UPF1: variants seen among roughly 807,000 people sequenced by gnomAD.
UPF1 encodes UPF1 RNA helicase and ATPase, also known as regulator of nonsense transcripts 1.
Under a neutral mutation model 129.2 loss-of-function variants are expected in UPF1, and 9 were observed. That is an observed-to-expected ratio of 0.07 (90% CI 0.04 to 0.12). UPF1 has a LOEUF of 0.12. UPF1 is among the 10% of genes least tolerant of loss of function. The pLI is 1.00. For synonymous variants in UPF1, 649 were observed against 644.9 expected, an observed-to-expected ratio of 1.01 and a Z score of -0.10; for missense variants, 788 against 1,525.3, an observed-to-expected ratio of 0.52 and a Z score of 8.05.
Position 18,832,104 on chromosome 19 carries a change from C to T in UPF1, c.-106C>T, listed in dbSNP as rs1237816380. 1.8e-6 allele frequency: 2 copies of T among 1,110,584 alleles called. No individual in the cohort carries two copies. The highest frequency in any genetic ancestry group is 1.2e-6 in the Non-Finnish European group (1 of 854,758). The allele number at this position is 1,110,584 out of a possible 1,614,324, so 68.8% of individuals were successfully genotyped here. ...CGCGGTTTGGTCCTTTCCGGGCGCG[C>T]GGGGGCGACAGCGGCAGCGACCCGA... On this transcript the variant is annotated 5_prime_UTR_variant, in exon 1 of 24. Transcript: ENST00000262803. This position sits in a 1 kb window ranked among gnomAD's most constrained non-coding sequence, Gnocchi z 5.6.
Position 18,865,931 on chromosome 19 carries a change from G to C in UPF1, c.3238-113G>C. 1 of 1,587,264 alleles carries C rather than the reference G, an allele frequency of 6.3e-7. No homozygotes were observed. The highest frequency in any genetic ancestry group is 8.5e-7 in the Non-Finnish European group (1 of 1,170,266). On this transcript the variant is annotated intron_variant, in intron 22 of 23. Coordinates refer to ENST00000262803, the MANE Select transcript of UPF1 (RefSeq NM_002911.4). This position sits in a 1 kb window ranked among gnomAD's most constrained non-coding sequence, Gnocchi z 6.1. ...CTGGGGTCATCAGAGTGGGTCTCCT[G>C]GGTCTTAGTTTGGGGACGGGTTTTC...
At chr19:18,848,598 C>T (rs535407092) in intron 3 of UPF1, among the ~76,000 whole-genome samples, 10 of 151,914 alleles carry the variant, frequency 6.6e-5, no homozygotes, top group Non-Finnish European at 1.3e-4. Flanking sequence ...AAGAAAATGA[C>T]CAAAGCCCGG....
intron 14 of UPF1, 106 bp downstream of exon 14, chr19:18,857,126 C>A: frequency 6.5e-7 from 1 of 1,528,174 alleles, no homozygotes; most frequent in South Asian, 1.3e-5. Context: ...GCAGAGTGTG[C>A]GCACACTGGG....
In UPF1 at chr19:18,862,132, C is replaced by G; in HGVS notation, c.2580C>G (p.Asn860Lys). ...IGFLNDPRRL[N>K]VALTRARYGV... ...TTTTAAATGACCCCAGGCGTCTGAA[C>G]GTGGCCCTGACCAGAGCAAGGTAGG... The change falls in exon 18 of 24, where the codon AAC (asparagine) becomes AAG (lysine). Residue 860 changes from asparagine (N) to lysine (K), a missense_variant. Asn to Lys is a moderately conservative substitution (Grantham distance 94). This residue lies in a region of UPF1 where 140 missense variants were observed against 385.9 expected (regional missense o/e 0.36). Transcript: ENST00000262803. 1 of 1,613,950 alleles carries G rather than the reference C, an allele frequency of 6.2e-7. No individual in the cohort carries two copies. Among genetic ancestry groups the G allele is most frequent in the Non-Finnish European group, 8.5e-7 (1 of 1,180,010 alleles).
At chr19:18,852,413 G>A (rs992244938) in intron 6 of UPF1, 117 bp downstream of exon 6, 91 of 1,443,848 alleles carry the variant, frequency 6.3e-5, no homozygotes, top group Non-Finnish European at 8.1e-5. Context: ...GGCTGCAGCC[G>A]CGACACCTGA....
rs1216040522 is a variant in UPF1, at chr19:18,832,346, CG to C, written c.138del (p.Gly49AlafsTer45). The C allele has an allele frequency of 2.2e-6, 3 of 1,379,808 alleles. No individual in the cohort carries two copies. The highest frequency in any genetic ancestry group is 2.9e-6 in the Non-Finnish European group (3 of 1,045,306). The allele number at this position is 1,379,808 out of a possible 1,614,324, so 85.5% of individuals were successfully genotyped here. On this transcript the variant is annotated frameshift_variant, in exon 1 of 24. Coordinates refer to ENST00000262803, the MANE Select transcript of UPF1 (RefSeq NM_002911.4). LOFTEE classifies it high-confidence loss of function. This position sits in a 1 kb window ranked among gnomAD's most constrained non-coding sequence, Gnocchi z 5.6. ...TDFTLPSQTQ[T>X]PPGGPGGPGG... ...TTTACTCTTCCTAGCCAGACGCAGA[CG>C]CCCCCCGGCGGCCCCGGCGGCCCGG...
At position 18,850,713 on chromosome 19, in the gene UPF1, C is replaced by G. The variant is rs2055649468; in HGVS notation, c.655C>G (p.Leu219Val). The G allele has an allele frequency of 3.1e-6, 5 of 1,607,262 alleles. No individual in the cohort carries two copies. Among genetic ancestry groups the G allele is most frequent in the Non-Finnish European group, 3.4e-6 (4 of 1,177,016 alleles). The change falls in exon 5 of 24, where the codon CTC becomes GTC. Residue 219 changes from leucine (L) to valine (V), a missense_variant. Leu to Val is a conservative substitution (Grantham distance 32). Coordinates refer to ENST00000262803, the MANE Select transcript of UPF1 (RefSeq NM_002911.4). This position sits in a 1 kb window ranked among gnomAD's most constrained non-coding sequence, Gnocchi z 7.1. ...GCAGCCCTGTGCCAGCCAGAGCAGCCTCAAGGACATCAACTGGGACAGCTC... is the reference window on the plus strand; with the variant it reads ...GCAGCCCTGTGCCAGCCAGAGCAGCGTCAAGGACATCAACTGGGACAGCTC... ...CRQPCASQSS[L>V]KDINWDSSQW...
intron 13 of UPF1, 100 bp from the exon 14 acceptor site, chr19:18,856,777 G>C: frequency 6.1e-6 from 9 of 1,467,566 alleles, no homozygotes; most frequent in Non-Finnish European, 8.2e-6. Flanking sequence ...GTCAGGGAGG[G>C]TGAGAAACAG....
intron 15 of UPF1, among the ~76,000 whole-genome samples, chr19:18,858,978 G>C (rs1203529726): frequency 2.6e-5 from 4 of 152,214 alleles, no homozygotes; most frequent in Non-Finnish European, 5.9e-5. Context: ...GGTTGGTATT[G>C]TCAGGCCTAG....
chr19:18,857,090 CACCTTGTATTG>C, intron 14 of UPF1, 70 bp downstream of exon 14: 1 of 1,564,086 alleles, frequency 6.4e-7, no homozygotes, highest in South Asian at 1.2e-5. Context: ...TCTTTTAAAA[CACCTTGTATTG>C]ACGTAGGATG....
rs572451627 is a variant in UPF1, at chr19:18,849,919, G to A, written c.462-156G>A. The A allele has an allele frequency of 6.6e-5, 58 of 872,990 alleles. No individual in the cohort carries two copies. In the African/African-American group the frequency reaches 7.5e-4, roughly 11 times the overall value. The allele number at this position is 872,990 out of a possible 1,614,324, so 54.1% of individuals were successfully genotyped here. Reference sequence around the variant, plus strand: ...GTGCTCAGTGGGGAGCTAGTTTGGGGGAGGGCTGGCCCCCAGAGATGCCAG... The same window carrying A: ...GTGCTCAGTGGGGAGCTAGTTTGGGAGAGGGCTGGCCCCCAGAGATGCCAG... On this transcript the variant is annotated intron_variant, in intron 3 of 23. Coordinates refer to ENST00000262803, the MANE Select transcript of UPF1 (RefSeq NM_002911.4).
At chr19:18,839,920 C>G (rs1477781859) in intron 1 of UPF1, among the ~76,000 whole-genome samples, 1 of 152,152 alleles carries the variant, frequency 6.6e-6, no homozygotes, top group Non-Finnish European at 1.5e-5. Flanking sequence ...AATGGCGCCT[C>G]TGGAGTTGTT....
Position 18,854,900 on chromosome 19 carries a change from G to T in UPF1, c.1287G>T (p.Thr429=). The T allele has an allele frequency of 6.2e-7, 1 of 1,614,206 alleles. No individual in the cohort carries two copies. The highest frequency in any genetic ancestry group is 1.1e-5 in the South Asian group (1 of 91,082). Residue 429 remains threonine (T), a synonymous_variant, in exon 10 of 24, where the codon ACG becomes ACT. Coordinates refer to ENST00000262803, the MANE Select transcript of UPF1 (RefSeq NM_002911.4). ...ACAGGATGCAGAGCGCATTGAAAAC[G>T]TTTGCCGTGGATGAGACCTCGGTGT... ...SFDRMQSALK[T]FAVDETSVSG...
intron 15 of UPF1, among the ~76,000 whole-genome samples, chr19:18,858,790 G>T (rs2055745644): frequency 6.6e-6 from 1 of 152,114 alleles, no homozygotes; most frequent in Non-Finnish European, 1.5e-5. Context: ...CTTATTTTTG[G>T]AGAAATAACT....
In UPF1 at chr19:18,850,739, G is replaced by A. The variant is rs1019270353; in HGVS notation, c.681G>A (p.Ser227=). The change falls in exon 5 of 24, where the codon TCG becomes TCA. Residue 227 remains serine, a synonymous_variant. Transcript: ENST00000262803. The surrounding 1 kb of genome is among the most constrained non-coding windows in gnomAD (Gnocchi z 7.1). ...SSLKDINWDS[S]QWQPLIQDRC... Reference sequence around the variant, plus strand: ...TCAAGGACATCAACTGGGACAGCTCGCAGTGGCAGCCGCTGATCCAGGACC... The same window carrying A: ...TCAAGGACATCAACTGGGACAGCTCACAGTGGCAGCCGCTGATCCAGGACC... The A allele has an allele frequency of 2.0e-5, 32 of 1,610,948 alleles. No homozygotes were observed. The highest frequency in any genetic ancestry group is 2.6e-5 in the Non-Finnish European group (31 of 1,179,364).
chr19:18,859,069 T>C (rs1311537329), intron 15 of UPF1, among the ~76,000 whole-genome samples: 1 of 152,172 alleles, frequency 6.6e-6, no homozygotes. Context: ...TCTTGGGAGT[T>C]GATGCCACTA....
intron 1 of UPF1, among the ~76,000 whole-genome samples, chr19:18,838,892 G>A (rs914767485): frequency 2.6e-5 from 4 of 152,152 alleles, no homozygotes; most frequent in African/African-American, 7.2e-5. Flanking sequence ...GTGAATACAC[G>A]AAACAATTTC....
chr19:18,839,015 A>G (rs1485448563), intron 1 of UPF1, among the ~76,000 whole-genome samples: 1 of 152,180 alleles, frequency 6.6e-6, no homozygotes, highest in Non-Finnish European at 1.5e-5. Context: ...AGCTACCACC[A>G]CCACAAAAGC....
rs760258586 is a variant in UPF1 at position 18,853,089 on chromosome 19, A to G, written c.1057+18A>G. ...TGACTCTGGTAATGAGGATTTAGTCATAATTTGGTTAAGAGGTGATTTTAA... is the reference window on the plus strand; with the variant it reads ...TGACTCTGGTAATGAGGATTTAGTCGTAATTTGGTTAAGAGGTGATTTTAA... On this transcript the variant is annotated intron_variant, in intron 7 of 23. Transcript: ENST00000262803. This position sits in a 1 kb window ranked among gnomAD's most constrained non-coding sequence, Gnocchi z 4.4. The G allele has an allele frequency of 6.2e-7, 1 of 1,613,788 alleles. No individual in the cohort carries two copies. Among genetic ancestry groups the G allele is most frequent in the South Asian group, 1.1e-5 (1 of 91,030 alleles).
Sources: allele counts gnomAD v4.1 joint callset (sites outside exome capture counted in the v4.1 genomes callset), GRCh38; gene constraint gnomAD v4.1.1; regional missense constraint gnomAD v4.1.1; non-coding constraint Gnocchi (gnomAD v3.1); transcripts MANE v1.5; gene names NCBI Gene and HGNC (gene_info 2026-07-23, HGNC 2026-07-21).